Variants in SAMD11 observed in about 807,000 individuals in gnomAD.
SAMD11 encodes sterile alpha motif domain-containing protein 11.
SAMD11 carries 77 observed loss-of-function variants against 64.4 expected under a neutral mutation model. That is an observed-to-expected ratio of 1.20 (90% CI 0.99 to 1.44). SAMD11 has a LOEUF of 1.44. SAMD11 is among the 40% of genes most tolerant of loss of function. The pLI is 0.00. For missense variants in SAMD11, 1,402 were observed against 943.3 expected (o/e 1.49, Z -6.37); for synonymous variants, 658 against 421.9 (o/e 1.56, Z -6.86).
Position 941,143 on chromosome 1 carries a change from G to A in SAMD11, c.1196-1G>A, listed in dbSNP as rs1641741788. 1.3e-6 allele frequency: 2 copies of A among 1,596,638 alleles called. No individual in the cohort carries two copies. The highest frequency in any genetic ancestry group is 1.7e-6 in the Non-Finnish European group (2 of 1,172,606). ...GATCACTGCTGTTGTCCCCCACCCA[G>A]ATCTCCTGAGGGTCCGGCAGGAGGT... On this transcript the variant is annotated splice_acceptor_variant, in intron 7 of 13. Transcript: ENST00000616016. LOFTEE classifies it high-confidence loss of function.
rs150064100 is a variant in SAMD11, at chr1:944,059, G to T, written c.2441G>T (p.Gly814Val). Reference sequence around the variant, plus strand: ...ACGGCCACGTCCCCCTATGGAGGGGGCCACGCCCTTGCCGGTCAAACTTCA... The same window carrying T: ...ACGGCCACGTCCCCCTATGGAGGGGTCCACGCCCTTGCCGGTCAAACTTCA... The part of the protein sequence containing the change: ...PTTATSPYGG[G>V]HALAGQTSPK... Residue 814 changes from glycine to valine, a missense_variant, in exon 14 of 14, where the codon GGC (glycine) becomes GTC (valine). By Grantham distance (109) the Gly-to-Val change is moderately radical (BLOSUM62 -3). Transcript: ENST00000616016. 1.2e-5 allele frequency: 19 copies of T among 1,612,750 alleles called. No individual in the cohort carries two copies. Among genetic ancestry groups the T allele is most frequent in the Admixed American group, 5.0e-5 (3 of 60,024 alleles).
intron 7 of SAMD11, among the ~76,000 whole-genome samples, chr1:939,796 C>T (rs888240298): frequency 1.9e-4 from 8 of 42,784 alleles, no homozygotes; most frequent in African/African-American, 3.4e-4. Flanking sequence ...GGACGCCGAC[C>T]TGCCAGACGC....
chr1:931,217 T>C, intron 4 of SAMD11, 128 bp downstream of exon 4: 3 of 892,556 alleles, frequency 3.4e-6, no homozygotes, highest in South Asian at 1.5e-5. Context: ...GCTGGCTGAG[T>C]GTCTGCCAGG....
chr1:931,678 G>A (rs1641176327), intron 4 of SAMD11, among the ~76,000 whole-genome samples: 1 of 152,258 alleles, frequency 6.6e-6, no homozygotes, highest in African/African-American at 2.4e-5. Context: ...TCTTGAGCAG[G>A]GCAGTGACCA....
intron 5 of SAMD11, among the ~76,000 whole-genome samples, chr1:938,492 G>A (rs1161381673): frequency 2.0e-5 from 3 of 152,172 alleles, no homozygotes; most frequent in Non-Finnish European, 4.4e-5. Context: ...GGCCTTCTGG[G>A]GGCAGGGATG....
chr1:927,610 C>T (rs1419486098), intron 2 of SAMD11, among the ~76,000 whole-genome samples: 1 of 152,238 alleles, frequency 6.6e-6, no homozygotes, highest in African/African-American at 2.4e-5. Flanking sequence ...GGCTGTCTCC[C>T]CCAAGCCCCA....
Position 930,333 on chromosome 1 carries a change from G to C in SAMD11, c.788G>C (p.Arg263Thr), listed in dbSNP as rs1410328368. 1.9e-6 allele frequency: 3 copies of C among 1,601,800 alleles called. No homozygotes were observed. Among genetic ancestry groups the C allele is most frequent in the Non-Finnish European group, 1.7e-6 (2 of 1,174,392 alleles). Residue 263 changes from arginine to threonine, a missense_variant, in exon 3 of 14, where the codon AGA becomes ACA. Arg to Thr is a moderately conservative substitution (Grantham distance 71). Coordinates refer to ENST00000616016, the MANE Select transcript of SAMD11 (RefSeq NM_001385641.1). ...GGTCCGCACATCCGTATCATGAAGA[G>C]AAGGTACTTGGACCAGGGCCGGACA... ...EDGPHIRIMK[R>T]RVHTHWDVNI...
Position 930,201 on chromosome 1 carries a change from C to T in SAMD11, c.656C>T (p.Ala219Val), listed in dbSNP as rs761732159. ...ADKRTVALPAARNLKKERTPS... is the reference protein window; with the variant it reads ...ADKRTVALPAVRNLKKERTPS... ...AAGAGGACAGTCGCCCTGCCTGCCG[C>T]CCGGAACCTGAAGAAGGAGCGAACT... Residue 219 changes from alanine to valine, a missense_variant, in exon 3 of 14, where the codon GCC becomes GTC. Coordinates refer to ENST00000616016, the MANE Select transcript of SAMD11 (RefSeq NM_001385641.1). The T allele has an allele frequency of 1.3e-6, 2 of 1,568,520 alleles. No homozygotes were observed. Among genetic ancestry groups the T allele is most frequent in the African/African-American group, 2.7e-5 (2 of 74,022 alleles).
At chr1:933,474 C>T (rs754067429) in intron 4 of SAMD11, among the ~76,000 whole-genome samples, 2 of 152,200 alleles carry the variant, frequency 1.3e-5, no homozygotes, top group African/African-American at 4.8e-5. Context: ...AGGCTCGGGG[C>T]TCACTGCCAG....
chr1:932,445 C>T (rs1569876651), intron 4 of SAMD11, among the ~76,000 whole-genome samples: 1 of 152,202 alleles, frequency 6.6e-6, no homozygotes, highest in Non-Finnish European at 1.5e-5. Context: ...TCTGAATCTC[C>T]CAAGGGCGAG....
rs1316166963 is a variant in SAMD11 at position 941,297 on chromosome 1, T to C, written c.1349T>C (p.Phe450Ser). ...GCCGCCCCAGCTGCCGCCCCGTCCT[T>C]CTCGGAGAGGTACTGGGGTGGCTGC... ...EGAAPAAAPSFSERELPQPPP... is the reference protein window; with the variant it reads ...EGAAPAAAPSSSERELPQPPP... Residue 450 changes from phenylalanine (F) to serine (S), a missense_variant, in exon 8 of 14, where the codon TTC (phenylalanine) becomes TCC (serine). Physicochemically the swap from Phe to Ser is radical, Grantham distance 155. Coordinates refer to ENST00000616016, the MANE Select transcript of SAMD11 (RefSeq NM_001385641.1). 1 of 1,587,062 alleles carries C rather than the reference T, an allele frequency of 6.3e-7. No homozygotes were observed.
chr1:937,835 C>T (rs185102870), intron 5 of SAMD11, among the ~76,000 whole-genome samples: 3 of 152,390 alleles, frequency 2.0e-5, no homozygotes, highest in East Asian at 1.9e-4. Flanking sequence ...TAGCACCACT[C>T]TGTCAGCTGT....
rs577162532 is a variant in SAMD11, at chr1:943,300, G to A, written c.2101G>A (p.Glu701Lys). The change falls in exon 12 of 14, where the codon GAG becomes AAG. Residue 701 changes from glutamate to lysine, a missense_variant. Coordinates refer to ENST00000616016, the MANE Select transcript of SAMD11 (RefSeq NM_001385641.1). ...GGATGGGGAGGAGGCCCCAGCCCCT[G>A]AGGACGTCACCAAGTGGACCGTGGA... Reference protein sequence around the residue: ...SMDGEEAPAPEDVTKWTVDDV... With the variant: ...SMDGEEAPAPKDVTKWTVDDV... 6.2e-7 allele frequency: 1 copy of A among 1,612,632 alleles called. No individual in the cohort carries two copies. Among genetic ancestry groups the A allele is most frequent in the Non-Finnish European group, 8.5e-7 (1 of 1,179,730 alleles).
At position 944,409 on chromosome 1, in the gene SAMD11, CCTGGAA is replaced by C. The variant is rs145942386; in HGVS notation, c.*261_*266del. 0.011 allele frequency: 12,566 copies of C among 1,185,860 alleles called. 608 individuals are homozygous for C. In the East Asian group the frequency reaches 0.14, roughly 13 times the overall value. The allele number at this position is 1,185,860 out of a possible 1,614,324, so 73.5% of individuals were successfully genotyped here. ...GGGGCCAGGGGCCTGCAGGCCTCCCCCTGGAACTGGGACTGGTCTCGGTCTGCTGAC... is the reference window on the plus strand; with the variant it reads ...GGGGCCAGGGGCCTGCAGGCCTCCCCCTGGGACTGGTCTCGGTCTGCTGAC... On this transcript the variant is annotated 3_prime_UTR_variant, in exon 14 of 14. Transcript: ENST00000616016.
rs557847793 is a variant in SAMD11, at chr1:944,553, G to A, written c.*400G>A. ...CTCGATACGTTTGGTCTTTCATGCT[G>A]AAAAATAAATAATAAAGCCTGTCCC... On this transcript the variant is annotated 3_prime_UTR_variant, in exon 14 of 14. Transcript: ENST00000616016. 23 of 634,912 alleles carry A rather than the reference G, an allele frequency of 3.6e-5. No homozygotes were observed. The highest frequency in any genetic ancestry group is 5.3e-5 in the Non-Finnish European group (20 of 375,896). The allele number at this position is 634,912 out of a possible 1,614,324, so 39.3% of individuals were successfully genotyped here.
rs552305601 is a variant in SAMD11 at position 940,296 on chromosome 1, G to GCCCC, written c.1196-839_1196-836dup. 3.0e-4 allele frequency: 40 copies of GCCCC among 131,448 alleles called. 1 individual carries two copies. Among genetic ancestry groups the GCCCC allele is most frequent in the East Asian group, 2.8e-3 (12 of 4,250 alleles). The allele number at this position is 131,448 out of a possible 1,614,324, so 8.1% of individuals were successfully genotyped here. On this transcript the variant is annotated intron_variant, in intron 7 of 13. Coordinates refer to ENST00000616016, the MANE Select transcript of SAMD11 (RefSeq NM_001385641.1). ...GCGCTGTCAATCAGGCCGCGCCGCCGCCCCCCCCCCCCGCCCCGCCGCGGA... is the reference window on the plus strand; with the variant it reads ...GCGCTGTCAATCAGGCCGCGCCGCCGCCCCCCCCCCCCCCCCGCCCCGCCGCGGA...
At chr1:940,820 G>A (rs71628924) in intron 7 of SAMD11, among the ~76,000 whole-genome samples, 1 of 152,274 alleles carries the variant, frequency 6.6e-6, no homozygotes, top group African/African-American at 2.4e-5. Context: ...GGACTCTCTC[G>A]CTGCCCCGCA....
Position 944,220 on chromosome 1 carries a change from C to A in SAMD11, c.*67C>A. The A allele has an allele frequency of 6.8e-7, 1 of 1,470,314 alleles. No individual in the cohort carries two copies. Among genetic ancestry groups the A allele is most frequent in the Admixed American group, 2.5e-5 (1 of 39,632 alleles). The allele number at this position is 1,470,314 out of a possible 1,614,324, so 91.1% of individuals were successfully genotyped here. A position where few individuals can be genotyped will look rare whatever the true frequency, so the allele number is the denominator to read the frequency against. The stretch of plus-strand genomic sequence containing the variant: ...GCCACCACTCAACACAATGGCCCTG[C>A]CTCCCACCGCTTTATTTCTTTCGGT... On this transcript the variant is annotated 3_prime_UTR_variant, in exon 14 of 14. Coordinates refer to ENST00000616016, the MANE Select transcript of SAMD11 (RefSeq NM_001385641.1).
intron 5 of SAMD11, among the ~76,000 whole-genome samples, chr1:937,135 C>A (rs1413410267): frequency 6.6e-6 from 1 of 152,144 alleles, no homozygotes; most frequent in East Asian, 1.9e-4. Context: ...CTGGCCCGCT[C>A]CCCGGAGCCT....
Sources: gnomAD v4.1 joint callset for allele counts (sites outside exome capture counted in the v4.1 genomes callset) on GRCh38, gnomAD v4.1.1 for gene constraint, MANE v1.5 for transcripts, NCBI Gene and HGNC (gene_info 2026-07-23, HGNC 2026-07-21) for gene names.